The following MAD1L1 variants were observed in gnomAD, a reference collection of about 807,000 sequenced individuals.
The protein encoded by MAD1L1 is mitotic arrest deficient 1 like 1.
Under a neutral mutation model 96.9 loss-of-function variants are expected in MAD1L1, and 95 were observed. The observed-to-expected ratio is 0.98, with a 90% CI of 0.83 to 1.16. The LOEUF is 1.16. Ranked by LOEUF, MAD1L1 falls within the 50% of genes most tolerant of loss-of-function variation. The pLI is 0.00. For missense variants in MAD1L1, 1,007 were observed against 954.4 expected (o/e 1.06, Z -0.73); for synonymous variants, 473 against 396.6 (o/e 1.19, Z -2.29).
chr7:1,822,442 ATT>A (rs751430006), intron 18 of MAD1L1, among the ~76,000 whole-genome samples: 18 of 140,568 alleles, frequency 1.3e-4, no homozygotes, highest in South Asian at 6.7e-4. Flanking sequence ...ATATATATAT[ATT>A]TTTTTTTTTT....
At chr7:2,041,432 G>A (rs955156724) in intron 12 of MAD1L1, among the ~76,000 whole-genome samples, 2 of 152,180 alleles carry the variant, frequency 1.3e-5, no homozygotes, top group African/African-American at 4.8e-5. Context: ...TCGTAGCAGA[G>A]TCAGCTCATC....
At chr7:1,867,255 C>T (rs1350987934) in intron 18 of MAD1L1, among the ~76,000 whole-genome samples, 3 of 152,198 alleles carry the variant, frequency 2.0e-5, no homozygotes, top group East Asian at 3.9e-4. Context: ...CCAGCCCAAG[C>T]TCCAGAGGCC....
At chr7:2,231,771 A>C (rs1401005758) in intron 1 of MAD1L1, among the ~76,000 whole-genome samples, 1 of 152,140 alleles carries the variant, frequency 6.6e-6, no homozygotes, top group Non-Finnish European at 1.5e-5. Context: ...ACTAGGTATC[A>C]GAAAGAAAGG....
At chr7:1,878,787 G>A (rs1028959515) in intron 18 of MAD1L1, among the ~76,000 whole-genome samples, 1 of 149,780 alleles carries the variant, frequency 6.7e-6, no homozygotes, top group South Asian at 2.1e-4. Flanking sequence ...CAGTACTGAA[G>A]GGCAAGATAA....
chr7:2,144,308 T>G (rs1789186754), intron 11 of MAD1L1, among the ~76,000 whole-genome samples: 1 of 152,198 alleles, frequency 6.6e-6, no homozygotes, highest in Admixed American at 6.5e-5. Flanking sequence ...CACTGACTGC[T>G]CTCAGCGTCC....
intron 14 of MAD1L1, among the ~76,000 whole-genome samples, chr7:2,001,242 C>T (rs1299719433): frequency 6.6e-6 from 1 of 152,270 alleles, no homozygotes; most frequent in African/African-American, 2.4e-5. Flanking sequence ...GCCTGTGACC[C>T]AGGCCAGCCT....
chr7:1,818,376 G>A (rs1194364539), intron 18 of MAD1L1, among the ~76,000 whole-genome samples: 7 of 152,108 alleles, frequency 4.6e-5, no homozygotes, highest in African/African-American at 1.4e-4. Flanking sequence ...GAGCCTGGCC[G>A]TTCATTTCTA....
chr7:1,916,112 A>C (rs192117021), intron 17 of MAD1L1, among the ~76,000 whole-genome samples: 1 of 152,278 alleles, frequency 6.6e-6, no homozygotes, highest in Non-Finnish European at 1.5e-5. Context: ...CGCACCCACC[A>C]GTGGGGCTGT....
chr7:1,989,675 G>A (rs533277690), intron 14 of MAD1L1, among the ~76,000 whole-genome samples: 2 of 152,112 alleles, frequency 1.3e-5, no homozygotes, highest in African/African-American at 2.4e-5. Context: ...CAGCCCCAGC[G>A]TGGACCAGCC....
At chr7:2,028,125 G>T (rs10269764) in intron 12 of MAD1L1, among the ~76,000 whole-genome samples, 4 of 151,918 alleles carry the variant, frequency 2.6e-5, no homozygotes, top group African/African-American at 9.7e-5. Flanking sequence ...AATTTCGAGA[G>T]AAAATAAGTA....
chr7:2,150,467 C>G (rs1789518585), intron 10 of MAD1L1, among the ~76,000 whole-genome samples: 1 of 152,180 alleles, frequency 6.6e-6, no homozygotes, highest in Non-Finnish European at 1.5e-5. Flanking sequence ...CCCTCATCAG[C>G]TCATCCAGCG....
rs1468313013 is a variant in MAD1L1, at chr7:1,858,628, G to C, written c.1998+39572C>G. ...CCTCCTACCTGGCGGGGCTGCTAGG[G>C]TCAGACCCACGCCACAGTGCAGGGC... On this transcript the variant is annotated intron_variant, in intron 18 of 18. Coordinates refer to ENST00000265854, the MANE Select transcript of MAD1L1 (RefSeq NM_001013836.2). Among the ~76,000 whole-genome samples, 69 of 152,208 alleles carry C rather than the reference G, an allele frequency of 4.5e-4. 2 individuals are homozygous for C. The highest frequency in any genetic ancestry group is 4.4e-3 in the Admixed American group (68 of 15,288).
chr7:2,145,646 G>A (rs1043459233), intron 11 of MAD1L1, among the ~76,000 whole-genome samples: 2 of 152,092 alleles, frequency 1.3e-5, no homozygotes, highest in African/African-American at 2.4e-5. Context: ...CTTCCGGCTC[G>A]GCATCTGCTC....
intron 2 of MAD1L1, 122 bp from the exon 3 acceptor site, chr7:2,230,265 C>T: frequency 1.5e-6 from 1 of 672,892 alleles, no homozygotes; most frequent in Non-Finnish European, 2.5e-6. Flanking sequence ...ATAATACACC[C>T]ATGCCTGTAA....
rs1584310837 is a variant in MAD1L1, at chr7:2,096,673, A to G, written c.1074-27335T>C. Reference sequence around the variant, plus strand: ...CAGAGGACAGGAGGAACGAGGCCAGACTCAGCCTCAGAGAACCTTCCTGCA... The same window carrying G: ...CAGAGGACAGGAGGAACGAGGCCAGGCTCAGCCTCAGAGAACCTTCCTGCA... On this transcript the variant is annotated intron_variant, in intron 11 of 18. Coordinates refer to ENST00000265854, the MANE Select transcript of MAD1L1 (RefSeq NM_001013836.2). Among the ~76,000 whole-genome samples, 3 of 152,190 alleles carry G rather than the reference A, an allele frequency of 2.0e-5. No homozygotes were observed. The East Asian group carries it at 5.8e-4, about 29-fold the overall frequency.
At chr7:2,113,590 A>C (rs1452950678) in intron 11 of MAD1L1, among the ~76,000 whole-genome samples, 1 of 152,150 alleles carries the variant, frequency 6.6e-6, no homozygotes, top group Non-Finnish European at 1.5e-5. Flanking sequence ...AAAAAAATAA[A>C]ATAAAATAAA....
chr7:2,081,254 G>T (rs977445952), intron 11 of MAD1L1, among the ~76,000 whole-genome samples: 2 of 152,172 alleles, frequency 1.3e-5, no homozygotes, highest in African/African-American at 4.8e-5. Flanking sequence ...GTGGGCAGAG[G>T]AGTCACTTGG....
intron 10 of MAD1L1, among the ~76,000 whole-genome samples, chr7:2,162,724 AAACG>A (rs1790223161): frequency 6.6e-6 from 1 of 151,878 alleles, no homozygotes; most frequent in Non-Finnish European, 1.5e-5. Context: ...AAAAAAAAAA[AAACG>A]TAATGGATCC....
chr7:2,151,432 A>C (rs1388511150), intron 10 of MAD1L1, among the ~76,000 whole-genome samples: 1 of 152,160 alleles, frequency 6.6e-6, no homozygotes. Flanking sequence ...AAACAGCAGG[A>C]GGCCAGTGGA....
Sources: allele counts gnomAD v4.1 joint callset (sites outside exome capture counted in the v4.1 genomes callset), GRCh38; gene constraint gnomAD v4.1.1; transcripts MANE v1.5; gene names NCBI Gene and HGNC (gene_info 2026-07-23, HGNC 2026-07-21).